The following SLC25A48 variants were observed in gnomAD, a reference collection of about 807,000 sequenced individuals.
SLC25A48 encodes the protein CTC-321K16.1.
In SLC25A48, 29 loss-of-function variants were observed where a neutral mutation model predicts 32.2. The observed-to-expected ratio is 0.90, with a 90% CI of 0.67 to 1.23. The LOEUF is 1.23. SLC25A48 is among the 50% of genes most tolerant of loss of function. SLC25A48 has a pLI of 0.00. For missense variants in SLC25A48, 399 were observed against 422.7 expected, an observed-to-expected ratio of 0.94 and a Z score of 0.49; for synonymous variants, 164 against 172.3, an observed-to-expected ratio of 0.95 and a Z score of 0.38.
At chr5:135,610,195 C>T (rs1353932298) in intron 1 of SLC25A48, among the ~76,000 whole-genome samples, 1 of 152,210 alleles carries the variant, frequency 6.6e-6, no homozygotes, top group Non-Finnish European at 1.5e-5. Flanking sequence ...TCCATCCACA[C>T]ATGCACAGAC....
At chr5:135,859,790 T>C (rs1411611341) in intron 4 of SLC25A48, among the ~76,000 whole-genome samples, 3 of 152,168 alleles carry the variant, frequency 2.0e-5, no homozygotes, top group Non-Finnish European at 4.4e-5. Context: ...GGTGAGTTGG[T>C]GCCACTGGTG....
At chr5:135,829,995 G>T (rs1758161606), upstream of SLC25A48, among the ~76,000 whole-genome samples, 1 of 114,736 alleles carries the variant, frequency 8.7e-6, no homozygotes, top group Non-Finnish European at 1.9e-5. Flanking sequence ...TCAAGGCTTC[G>T]ATAGATCTAC....
chr5:135,688,748 C>T (rs1754076116), intron 3 of SLC25A48, among the ~76,000 whole-genome samples: 1 of 152,168 alleles, frequency 6.6e-6, no homozygotes, highest in Admixed American at 6.5e-5. Flanking sequence ...ATTCTAGCTG[C>T]CACTGGTGCA....
chr5:135,852,460 G>A, intron 3 of SLC25A48, 103 bp from the exon 4 acceptor site: 1 of 1,388,872 alleles, frequency 7.2e-7, no homozygotes, highest in Non-Finnish European at 9.8e-7. Flanking sequence ...CTCTCTTCAT[G>A]GACACATGGG....
chr5:135,615,334 T>G (rs1297345080), intron 1 of SLC25A48, among the ~76,000 whole-genome samples: 2 of 152,180 alleles, frequency 1.3e-5, no homozygotes, highest in Non-Finnish European at 1.5e-5. Context: ...CCGGGCTGAT[T>G]AGGTCTCAGA....
chr5:135,741,697 T>C (rs1298672015), intron 3 of SLC25A48, among the ~76,000 whole-genome samples: 1 of 152,150 alleles, frequency 6.6e-6, no homozygotes, highest in Non-Finnish European at 1.5e-5. Context: ...GTCCTGATCA[T>C]AGCACTGTAC....
intron 1 of SLC25A48, among the ~76,000 whole-genome samples, chr5:135,595,374 G>A (rs773984263): frequency 9.9e-5 from 15 of 152,176 alleles, no homozygotes; most frequent in Middle Eastern, 3.2e-3. Flanking sequence ...GAGCTGCCAA[G>A]GGCCCCACAC....
At chr5:135,779,142 C>T (rs186933952) in intron 3 of SLC25A48, among the ~76,000 whole-genome samples, 113 of 151,864 alleles carry the variant, frequency 7.4e-4, no homozygotes, top group Non-Finnish European at 1.3e-3. Context: ...GAAGCGTACA[C>T]CCACCCCCTC....
intron 3 of SLC25A48, among the ~76,000 whole-genome samples, chr5:135,751,313 A>G (rs1206790873): frequency 2.6e-5 from 4 of 152,192 alleles, no homozygotes; most frequent in African/African-American, 9.7e-5. Flanking sequence ...AGACATCCCC[A>G]AACTGAAGTG....
intron 4 of SLC25A48, among the ~76,000 whole-genome samples, chr5:135,870,360 C>T (rs992407812): frequency 2.6e-5 from 4 of 152,112 alleles, no homozygotes; most frequent in African/African-American, 9.7e-5. Context: ...GAGTCAAAGC[C>T]TCATAGTAGA....
At chr5:135,780,479 T>C (rs1756694531) in intron 3 of SLC25A48, among the ~76,000 whole-genome samples, 1 of 117,130 alleles carries the variant, frequency 8.5e-6, no homozygotes, top group Non-Finnish European at 2.1e-5. Context: ...GTTCCTAATA[T>C]TTAGGAGAGG....
At chr5:135,643,565 C>T (rs908696868) in intron 3 of SLC25A48, among the ~76,000 whole-genome samples, 1 of 152,206 alleles carries the variant, frequency 6.6e-6, no homozygotes, top group Non-Finnish European at 1.5e-5. Flanking sequence ...GCCCTCTGCC[C>T]CACTCAGAGA....
At chr5:135,653,582 A>G (rs978432211) in intron 3 of SLC25A48, among the ~76,000 whole-genome samples, 1 of 152,192 alleles carries the variant, frequency 6.6e-6, no homozygotes, top group African/African-American at 2.4e-5. Flanking sequence ...ACCTCAAGAC[A>G]GTGATAGAGA....
chr5:135,817,755 C>T (rs1391694299), intron 4 of SLC25A48, among the ~76,000 whole-genome samples: 3 of 152,150 alleles, frequency 2.0e-5, no homozygotes, highest in Non-Finnish European at 2.9e-5. Context: ...AAAACATTCA[C>T]AATACCTATT....
chr5:135,830,276 G>A (rs972445702), upstream of SLC25A48, among the ~76,000 whole-genome samples: 1 of 152,162 alleles, frequency 6.6e-6, no homozygotes, highest in African/African-American at 2.4e-5. Flanking sequence ...GCGCAGCAGC[G>A]CCCTCTCCTG....
At chr5:135,882,995 G>A (rs1561565209) in intron 7 of SLC25A48, 1 of 975,668 alleles carries the variant, frequency 1.0e-6, no homozygotes, top group Non-Finnish European at 1.2e-6. Flanking sequence ...TGGGTTGTTT[G>A]ACCCCAAGAT....
At chr5:135,748,564 G>A (rs1488422161) in intron 3 of SLC25A48, among the ~76,000 whole-genome samples, 8 of 151,760 alleles carry the variant, frequency 5.3e-5, no homozygotes, top group Admixed American at 1.3e-4. Flanking sequence ...ATGAGCCACC[G>A]TGCCCTGCTG....
At chr5:135,744,375 G>C (rs1183055469) in intron 3 of SLC25A48, among the ~76,000 whole-genome samples, 1 of 151,844 alleles carries the variant, frequency 6.6e-6, no homozygotes, top group Middle Eastern at 3.4e-3. Context: ...TTTTGAGACA[G>C]GGTCTCACTC....
chr5:135,740,471 T>C (rs1379493539), intron 3 of SLC25A48, among the ~76,000 whole-genome samples: 1 of 152,082 alleles, frequency 6.6e-6, no homozygotes, highest in Non-Finnish European at 1.5e-5. Context: ...TGGCAACATA[T>C]TCAAGCTTAT....
Sources: gnomAD v4.1 joint callset for allele counts (sites outside exome capture counted in the v4.1 genomes callset) on GRCh38, gnomAD v4.1.1 for gene constraint, MANE v1.5 for transcripts, NCBI Gene and HGNC (gene_info 2026-07-23, HGNC 2026-07-21) for gene names.